SGCZ: variants seen among roughly 807,000 people sequenced by gnomAD.
SGCZ encodes zeta-sarcoglycan.
Under a neutral mutation model 41.3 loss-of-function variants are expected in SGCZ, and 40 were observed. The ratio of observed to expected loss-of-function variants is 0.97; its 90% CI spans 0.75 to 1.26. SGCZ has a LOEUF of 1.26. Among genes scored for constraint, SGCZ ranks in the 50% most tolerant of loss-of-function variants. SGCZ has a pLI of 0.00. For missense variants in SGCZ, 552 were observed against 369.8 expected, an observed-to-expected ratio of 1.49 and a Z score of -4.04; for synonymous variants, 206 against 137.5, an observed-to-expected ratio of 1.50 and a Z score of -3.49.
chr8:14,212,549 T>C (rs13279634), intron 4 of SGCZ, among the ~76,000 whole-genome samples: 3 of 148,954 alleles, frequency 2.0e-5, no homozygotes, highest in African/African-American at 7.4e-5. Context: ...AAGTAGGCCA[T>C]AGCCTACACA....
In SGCZ at chr8:14,883,674, G is replaced by A. The variant is rs575825595; in HGVS notation, c.40-328748C>T. ...CTTGTGTCTCCCAAAATCTTACCCA[G>A]CTTGGTTTCTAGATTTCATCCTCTA... On this transcript the variant is annotated intron_variant, in intron 1 of 7. Coordinates refer to ENST00000382080, the MANE Select transcript of SGCZ (RefSeq NM_139167.4). Among the ~76,000 whole-genome samples the A allele has an allele frequency of 2.0e-5, 3 of 151,378 alleles. No homozygotes were observed. The East Asian group carries it at 5.8e-4, about 29-fold the overall frequency.
intron 1 of SGCZ, among the ~76,000 whole-genome samples, chr8:14,735,703 A>G (rs1455877244): frequency 6.6e-6 from 1 of 152,142 alleles, no homozygotes; most frequent in Non-Finnish European, 1.5e-5. Flanking sequence ...TCCCTTTCGT[A>G]TATACATCTG....
intron 1 of SGCZ, among the ~76,000 whole-genome samples, chr8:14,573,401 C>T (rs1036191106): frequency 2.0e-5 from 3 of 151,870 alleles, no homozygotes; most frequent in Admixed American, 1.3e-4. Flanking sequence ...GGGGTTTCAC[C>T]GTGGTCTGGA....
At chr8:14,916,753 T>A (rs1799449851) in intron 1 of SGCZ, among the ~76,000 whole-genome samples, 1 of 152,162 alleles carries the variant, frequency 6.6e-6, no homozygotes, top group Non-Finnish European at 1.5e-5. Context: ...ATTGTGTAAC[T>A]AGTCCCACAT....
intron 1 of SGCZ, among the ~76,000 whole-genome samples, chr8:15,200,924 T>C (rs1441791632): frequency 6.6e-6 from 1 of 152,164 alleles, no homozygotes; most frequent in Non-Finnish European, 1.5e-5. Context: ...ATTCTGTTGG[T>C]CTCTAAATAT....
At chr8:14,771,700 G>A (rs533975076) in intron 1 of SGCZ, among the ~76,000 whole-genome samples, 1 of 152,150 alleles carries the variant, frequency 6.6e-6, no homozygotes, top group African/African-American at 2.4e-5. Context: ...GGAAGCAGTG[G>A]AATGTTCTCT....
At chr8:14,176,203 G>C (rs1159596156) in intron 4 of SGCZ, among the ~76,000 whole-genome samples, 1 of 152,108 alleles carries the variant, frequency 6.6e-6, no homozygotes, top group Non-Finnish European at 1.5e-5. Context: ...AGAACCCTTA[G>C]TCCAACAATA....
chr8:14,430,859 A>G (rs894834169), intron 2 of SGCZ, among the ~76,000 whole-genome samples: 2 of 152,164 alleles, frequency 1.3e-5, no homozygotes, highest in African/African-American at 4.8e-5. Flanking sequence ...TCCGGATACA[A>G]AATTAATGTA....
At chr8:14,259,327 T>A (rs1287914974) in intron 3 of SGCZ, among the ~76,000 whole-genome samples, 1 of 152,108 alleles carries the variant, frequency 6.6e-6, no homozygotes, top group Non-Finnish European at 1.5e-5. Context: ...AGATCCCATT[T>A]GTCAATTTTG....
At position 14,128,406 on chromosome 8, in the gene SGCZ, A is replaced by G. The variant is rs140086455; in HGVS notation, c.548-20171T>C. ...TACTATTAAAACTTGAAAATAACAC[A>G]TTGGTGAGGATGCAGATAAAAGGGA... On this transcript the variant is annotated intron_variant, in intron 5 of 7. Transcript: ENST00000382080. Among the ~76,000 whole-genome samples the G allele has an allele frequency of 6.2e-3, 945 of 152,314 alleles. 6 individuals carry two copies. The highest frequency in any genetic ancestry group is 0.022 in the African/African-American group (899 of 41,568).
chr8:15,049,218 TG>T (rs1804427007), intron 1 of SGCZ, among the ~76,000 whole-genome samples: 1 of 152,128 alleles, frequency 6.6e-6, no homozygotes, highest in Non-Finnish European at 1.5e-5. Context: ...CTTTGGCCTT[TG>T]GGCTAAGTAG....
intron 2 of SGCZ, among the ~76,000 whole-genome samples, chr8:14,550,698 C>T (rs1416257712): frequency 6.6e-6 from 1 of 151,916 alleles, no homozygotes; most frequent in Non-Finnish European, 1.5e-5. Context: ...AATAGGAGAC[C>T]TGGGATTGCT....
intron 3 of SGCZ, among the ~76,000 whole-genome samples, chr8:14,289,426 C>A (rs1473874732): frequency 1.3e-5 from 2 of 151,884 alleles, no homozygotes; most frequent in African/African-American, 4.8e-5. Flanking sequence ...GGTCTTAGAT[C>A]CTTTATGAGA....
intron 1 of SGCZ, among the ~76,000 whole-genome samples, chr8:14,702,838 TAGATAGATAGATAGATAGATAGATA>T (rs1809198241): frequency 3.0e-5 from 3 of 99,892 alleles, no homozygotes; most frequent in East Asian, 2.4e-4. Flanking sequence ...GATAGATAGA[TAGATAGATAGATAGATAGATAGATA>T]GATAGATAGA....
intron 4 of SGCZ, among the ~76,000 whole-genome samples, chr8:14,225,870 G>C (rs1246206060): frequency 2.0e-5 from 3 of 152,092 alleles, no homozygotes; most frequent in Non-Finnish European, 4.4e-5. Context: ...TTTCAATAAT[G>C]AGAATCTTTG....
intron 1 of SGCZ, among the ~76,000 whole-genome samples, chr8:14,929,137 G>A (rs768132232): frequency 3.3e-5 from 5 of 151,942 alleles, no homozygotes; most frequent in African/African-American, 4.8e-5. Flanking sequence ...GACTAGAAGC[G>A]TGCACCACCA....
At chr8:15,051,717 A>G (rs1024726162) in intron 1 of SGCZ, among the ~76,000 whole-genome samples, 4 of 152,154 alleles carry the variant, frequency 2.6e-5, no homozygotes, top group African/African-American at 9.7e-5. Context: ...GTGATATCTC[A>G]TTGTGGTTTT....
intron 1 of SGCZ, among the ~76,000 whole-genome samples, chr8:15,185,492 T>C (rs989111859): frequency 6.6e-6 from 1 of 152,240 alleles, no homozygotes; most frequent in African/African-American, 2.4e-5. Context: ...TTGTTTACTC[T>C]TTTTCTATAT....
chr8:14,440,320 C>A (rs1174068516), intron 2 of SGCZ, among the ~76,000 whole-genome samples: 2 of 152,136 alleles, frequency 1.3e-5, no homozygotes, highest in East Asian at 3.9e-4. Context: ...TAATTCACTT[C>A]TTTGTTCATG....
Sources: gnomAD v4.1 joint callset for allele counts (sites outside exome capture counted in the v4.1 genomes callset) on GRCh38, gnomAD v4.1.1 for gene constraint, MANE v1.5 for transcripts, NCBI Gene and HGNC (gene_info 2026-07-23, HGNC 2026-07-21) for gene names.